PPP2R5E: variants seen among roughly 807,000 people sequenced by gnomAD.
PPP2R5E encodes the protein protein phosphatase 2 regulatory subunit B'epsilon.
PPP2R5E carries 4 observed loss-of-function variants against 65.3 expected under a neutral mutation model. That is an observed-to-expected ratio of 0.06 (90% CI 0.03 to 0.14). The LOEUF (loss-of-function observed/expected upper bound fraction) is 0.14, where lower values mean the gene tolerates loss of function less well. PPP2R5E is among the 10% of genes least tolerant of loss of function. The probability of loss-of-function intolerance (pLI) is 1.00; values close to 1 mark genes in which losing one functional copy is unlikely to be tolerated. For synonymous variants in PPP2R5E, 183 were observed against 187.4 expected, an observed-to-expected ratio of 0.98 and a Z score of 0.19; for missense variants, 274 against 556.1, an observed-to-expected ratio of 0.49 and a Z score of 5.10.
intron 2 of PPP2R5E, among the ~76,000 whole-genome samples, chr14:63,527,643 G>T (rs1405269495): frequency 6.6e-6 from 1 of 152,114 alleles, no homozygotes; most frequent in Non-Finnish European, 1.5e-5. Flanking sequence ...AGGCTTAGAA[G>T]TCAGCTCCTG....
In PPP2R5E at chr14:63,525,465, G is replaced by A. The variant is rs185875148; in HGVS notation, c.157+14064C>T. Among the ~76,000 whole-genome samples the A allele has an allele frequency of 7.2e-5, 11 of 152,326 alleles. No homozygotes were observed. The East Asian group carries it at 1.7e-3, about 24-fold the overall frequency. On this transcript the variant is annotated intron_variant, in intron 2 of 13. Transcript: ENST00000337537. ...AAATCAGGAAAGACATACAGGAGAA[G>A]AAACCTCTAGTCATGAGAGCTCCCT...
chr14:63,465,050 GAAAAGA>G (rs1376995267), intron 2 of PPP2R5E, among the ~76,000 whole-genome samples: 11 of 149,920 alleles, frequency 7.3e-5, no homozygotes, highest in African/African-American at 2.4e-4. Flanking sequence ...AAAAAGACAA[GAAAAGA>G]AAAAGAAAAT....
chr14:63,539,735 G>A (rs1451152941), intron 1 of PPP2R5E, 43 bp from the exon 2 acceptor site: 3 of 1,547,048 alleles, frequency 1.9e-6, no homozygotes, highest in Non-Finnish European at 2.7e-6. Flanking sequence ...TTCCCAAGGT[G>A]GAAGCATACA....
rs1252443289 is a variant in PPP2R5E at position 63,539,548 on chromosome 14, T to C, written c.138A>G (p.Thr46=). ...FRSQGKPIEL[T]PLPLLKDVPS... ...CCTTACCTTTTAGCAGCGGCAGAGG[T>C]GTTAACTCAATAGGCTTGCCTTGAG... Residue 46 remains threonine (T), a synonymous_variant, in exon 2 of 14, where the codon ACA becomes ACG. Coordinates refer to ENST00000337537, the MANE Select transcript of PPP2R5E (RefSeq NM_006246.5). 1 of 1,613,986 alleles carries C rather than the reference T, an allele frequency of 6.2e-7. No individual in the cohort carries two copies. The highest frequency in any genetic ancestry group is 1.1e-5 in the South Asian group (1 of 91,074).
chr14:63,373,175 C>T lies in PPP2R5E; in HGVS notation c.*2834G>A, dbSNP rs1883781900. 1 of 152,212 alleles carries T rather than the reference C, an allele frequency of 6.6e-6. No individual in the cohort carries two copies. The highest frequency in any genetic ancestry group is 2.4e-5 in the African/African-American group (1 of 41,440). The allele number at this position is 152,212 out of a possible 1,614,324, so 9.4% of individuals were successfully genotyped here. Reference sequence around the variant, plus strand: ...TGTGTATTTTTCTCTTCCAAAGACACTCTTAATCCTATCCCTGAAACCAAT... The same window carrying T: ...TGTGTATTTTTCTCTTCCAAAGACATTCTTAATCCTATCCCTGAAACCAAT... On this transcript the variant is annotated 3_prime_UTR_variant, in exon 14 of 14. Coordinates refer to ENST00000337537, the MANE Select transcript of PPP2R5E (RefSeq NM_006246.5).
At chr14:63,378,342 GA>G (rs1200794985) in intron 13 of PPP2R5E, among the ~76,000 whole-genome samples, 2 of 152,276 alleles carry the variant, frequency 1.3e-5, no homozygotes, top group African/African-American at 4.8e-5. Flanking sequence ...ACTTTCTTGT[GA>G]AAAATCAGAC....
chr14:63,513,647 T>C (rs1892549030), intron 2 of PPP2R5E, among the ~76,000 whole-genome samples: 2 of 152,232 alleles, frequency 1.3e-5, no homozygotes, highest in African/African-American at 2.4e-5. Context: ...TCCTTTCTAA[T>C]TGTTTACTTA....
chr14:63,389,288 C>A (rs1884868404), intron 11 of PPP2R5E, among the ~76,000 whole-genome samples: 2 of 152,206 alleles, frequency 1.3e-5, no homozygotes, highest in African/African-American at 4.8e-5. Flanking sequence ...AGAAACCTCA[C>A]CAGCCCACTT....
In PPP2R5E at chr14:63,470,723, TAAA is replaced by T. The variant is rs35190574; in HGVS notation, c.158-16841_158-16839del. 6.1e-4 allele frequency among the ~76,000 whole-genome samples: 76 copies of T among 124,514 alleles called. 1 individual carries two copies. The highest frequency in any genetic ancestry group is 4.5e-3 in the Middle Eastern group (1 of 220). 81.7% of individuals were successfully genotyped at this position (124,514 alleles called of 152,430 possible). A position where few individuals can be genotyped will look rare whatever the true frequency, so the allele number is the denominator to read the frequency against. ...TAAAAACAAGCCTTTATCAACAGAT[TAAA>T]AAAAAAAAAAAACGTGGCTGAGCAC... is the stretch of plus-strand genomic sequence containing the variant. On this transcript the variant is annotated intron_variant, in intron 2 of 13. Coordinates refer to ENST00000337537, the MANE Select transcript of PPP2R5E (RefSeq NM_006246.5).
intron 13 of PPP2R5E, among the ~76,000 whole-genome samples, chr14:63,380,033 C>G (rs1422856608): frequency 6.6e-6 from 1 of 151,468 alleles, no homozygotes; most frequent in African/African-American, 2.4e-5. Flanking sequence ...CAGGGTTTCA[C>G]CATTCGGCCA....
intron 2 of PPP2R5E, among the ~76,000 whole-genome samples, chr14:63,470,976 C>T (rs1890100133): frequency 6.6e-6 from 1 of 152,038 alleles, no homozygotes; most frequent in Non-Finnish European, 1.5e-5. Context: ...CATTTTTTAC[C>T]CCACCCTGAA....
At position 63,373,151 on chromosome 14, in the gene PPP2R5E, G is replaced by C. The variant is rs2139714453; in HGVS notation, c.*2858C>G. The C allele has an allele frequency of 6.6e-6, 1 of 152,258 alleles. No homozygotes were observed. Among genetic ancestry groups the C allele is most frequent in the African/African-American group, 2.4e-5 (1 of 41,552 alleles). The allele number at this position is 152,258 out of a possible 1,614,324, so 9.4% of individuals were successfully genotyped here. A position where few individuals can be genotyped will look rare whatever the true frequency, so the allele number is the denominator to read the frequency against. On this transcript the variant is annotated 3_prime_UTR_variant, in exon 14 of 14. Transcript: ENST00000337537. ...GCGTCATTCTAAACCACAGGGTTGT[G>C]TGTATTTTTCTCTTCCAAAGACACT...
At chr14:63,419,480 GAA>G (rs761842067) in intron 4 of PPP2R5E, among the ~76,000 whole-genome samples, 2 of 152,124 alleles carry the variant, frequency 1.3e-5, no homozygotes, top group Non-Finnish European at 2.9e-5. Flanking sequence ...ATCATGAAAA[GAA>G]AAAGAGACTT....
intron 3 of PPP2R5E, among the ~76,000 whole-genome samples, chr14:63,427,470 T>C (rs1004534214): frequency 2.6e-5 from 4 of 152,056 alleles, no homozygotes; most frequent in Non-Finnish European, 4.4e-5. Flanking sequence ...CCAAAGATAT[T>C]AGAATACACA....
chr14:63,426,699 C>CAAAAAA (rs1191603099), intron 3 of PPP2R5E, among the ~76,000 whole-genome samples: 3 of 54,796 alleles, frequency 5.5e-5, no homozygotes, highest in Admixed American at 2.1e-4. Flanking sequence ...AAAGGCTTAT[C>CAAAAAA]AAAAAAAAAA....
chr14:63,372,675 T>C lies in PPP2R5E; in HGVS notation c.*3334A>G, dbSNP rs549578739. 2 of 152,056 alleles carry C rather than the reference T, an allele frequency of 1.3e-5. No individual in the cohort carries two copies. Among genetic ancestry groups the C allele is most frequent in the Middle Eastern group, 3.4e-3 (1 of 294 alleles). 9.4% of individuals were successfully genotyped at this position (152,056 alleles called of 1,614,324 possible). ...TCCCACCCTCATCCCCACAAAAAAATAAAAAAGCTTTTAAAGCTCTAAATA... is the reference window on the plus strand; with the variant it reads ...TCCCACCCTCATCCCCACAAAAAAACAAAAAAGCTTTTAAAGCTCTAAATA... On this transcript the variant is annotated 3_prime_UTR_variant, in exon 14 of 14. Coordinates refer to ENST00000337537, the MANE Select transcript of PPP2R5E (RefSeq NM_006246.5).
In PPP2R5E at chr14:63,530,232, T is replaced by G. The variant is rs1282037805; in HGVS notation, c.157+9297A>C. Among the ~76,000 whole-genome samples, 15 of 145,318 alleles carry G rather than the reference T, an allele frequency of 1.0e-4. No individual in the cohort carries two copies. In the East Asian group the frequency reaches 1.6e-3, roughly 16 times the overall value. Reference sequence around the variant, plus strand: ...TAAGTTAAGAAATTTTTCCGTTTTTTTTTTTTTTTTTTTTTTTGAGACGGA... The same window carrying G: ...TAAGTTAAGAAATTTTTCCGTTTTTGTTTTTTTTTTTTTTTTTGAGACGGA... On this transcript the variant is annotated intron_variant, in intron 2 of 13. Transcript: ENST00000337537.
intron 2 of PPP2R5E, among the ~76,000 whole-genome samples, chr14:63,465,718 G>C (rs942856744): frequency 6.6e-6 from 1 of 152,026 alleles, no homozygotes; most frequent in African/African-American, 2.4e-5. Flanking sequence ...CATCTATTTA[G>C]AACTCTCAAA....
intron 2 of PPP2R5E, among the ~76,000 whole-genome samples, chr14:63,522,466 T>C (rs1034610748): frequency 1.3e-5 from 2 of 148,574 alleles, no homozygotes; most frequent in Non-Finnish European, 3.0e-5. Context: ...GAGGAGCGTC[T>C]CTGCCCGGCC....
Sources: allele counts gnomAD v4.1 joint callset (sites outside exome capture counted in the v4.1 genomes callset), GRCh38; gene constraint gnomAD v4.1.1; transcripts MANE v1.5; gene names NCBI Gene and HGNC (gene_info 2026-07-23, HGNC 2026-07-21).